PUM2: variants seen among roughly 807,000 people sequenced by gnomAD.
The protein encoded by PUM2 is pumilio RNA binding family member 2.
PUM2 carries 57 observed loss-of-function variants against 124.5 expected under a neutral mutation model. That is an observed-to-expected ratio of 0.46 (90% CI 0.37 to 0.57). The LOEUF (loss-of-function observed/expected upper bound fraction) is 0.57. PUM2 is among the 20% of genes least tolerant of loss of function. The pLI is 0.00. For synonymous variants in PUM2, 460 were observed against 446.1 expected (o/e 1.03, Z -0.39); for missense variants, 1,065 against 1,290.6 (o/e 0.83, Z 2.68).
intron 1 of PUM2, among the ~76,000 whole-genome samples, chr2:20,335,544 C>G (rs1207241837): frequency 1.3e-5 from 2 of 152,132 alleles, no homozygotes; most frequent in Non-Finnish European, 2.9e-5. Context: ...CAGTGACGAA[C>G]AAGTCACTTA....
intron 2 of PUM2, among the ~76,000 whole-genome samples, chr2:20,320,542 T>A (rs1215454171): frequency 6.6e-6 from 1 of 151,940 alleles, no homozygotes; most frequent in Non-Finnish European, 1.5e-5. Context: ...ATGTTTTAAT[T>A]AAAAAATGTT....
chr2:20,351,383 C>T (rs1332516024), upstream of PUM2, among the ~76,000 whole-genome samples: 1 of 152,194 alleles, frequency 6.6e-6, no homozygotes, highest in Non-Finnish European at 1.5e-5. Flanking sequence ...AAGATTGTAC[C>T]CTGCGAGAGG....
chr2:20,267,797 A>C (rs1358899896), intron 13 of PUM2, among the ~76,000 whole-genome samples: 1 of 152,212 alleles, frequency 6.6e-6, no homozygotes, highest in African/African-American at 2.4e-5. Flanking sequence ...ATCTCATACG[A>C]CAGTGTGCCA....
intron 8 of PUM2, among the ~76,000 whole-genome samples, chr2:20,295,959 C>T (rs1305383678): frequency 6.6e-6 from 1 of 152,186 alleles, no homozygotes; most frequent in Non-Finnish European, 1.5e-5. Flanking sequence ...TGCTTATACA[C>T]AAACTAAATG....
At chr2:20,258,913 C>A (rs374471989) in intron 15 of PUM2, among the ~76,000 whole-genome samples, 1 of 151,062 alleles carries the variant, frequency 6.6e-6, no homozygotes, top group East Asian at 1.9e-4. Context: ...ATGATCCACC[C>A]GCCTCGGCCT....
rs1663070834 is a variant in PUM2, at chr2:20,250,576, T to G, written c.*1009A>C. 6.6e-6 allele frequency: 1 copy of G among 152,178 alleles called. No homozygotes were observed. The highest frequency in any genetic ancestry group is 1.5e-5 in the Non-Finnish European group (1 of 68,008). 9.4% of individuals were successfully genotyped at this position (152,178 alleles called of 1,614,324 possible). On this transcript the variant is annotated 3_prime_UTR_variant, in exon 21 of 21. Transcript: ENST00000361078. ...TCTATTACTACACACACAATGCATA[T>G]ATTTATAGAAAGCAAAAAGAGCTAT...
intron 1 of PUM2, among the ~76,000 whole-genome samples, chr2:20,336,748 C>CTGTGTGTGTGTGTGTG (rs70939037): frequency 4.1e-5 from 4 of 97,498 alleles, no homozygotes; most frequent in African/African-American, 1.3e-4. Flanking sequence ...CCAGGCTGAT[C>CTGTGTGTGTGTGTGTG]TGTGTGTGTG....
intron 1 of PUM2, among the ~76,000 whole-genome samples, chr2:20,333,669 T>G (rs776005708): frequency 8.5e-5 from 13 of 152,064 alleles, no homozygotes; most frequent in Non-Finnish European, 1.9e-4. Context: ...TCTCAGCACT[T>G]TGGGAGGCCA....
At chr2:20,294,960 T>C (rs1675166691) in intron 8 of PUM2, among the ~76,000 whole-genome samples, 2 of 152,192 alleles carry the variant, frequency 1.3e-5, no homozygotes. Flanking sequence ...CTGGGGAACA[T>C]TCTGGTACCA....
At chr2:20,351,734 T>C (rs1373368818), upstream of PUM2, among the ~76,000 whole-genome samples, 1 of 152,248 alleles carries the variant, frequency 6.6e-6, no homozygotes, top group Non-Finnish European at 1.5e-5. Flanking sequence ...GCACAGCTCC[T>C]GGCTCTCCTG....
intron 4 of PUM2, among the ~76,000 whole-genome samples, chr2:20,311,876 G>A (rs965145689): frequency 6.6e-6 from 1 of 152,042 alleles, no homozygotes; most frequent in Non-Finnish European, 1.5e-5. Context: ...TAACTATAGC[G>A]GTGCTGGAAA....
At chr2:20,305,627 T>C (rs1353532492) in intron 7 of PUM2, among the ~76,000 whole-genome samples, 1 of 151,486 alleles carries the variant, frequency 6.6e-6, no homozygotes, top group Non-Finnish European at 1.5e-5. Flanking sequence ...ATTGAAAGAG[T>C]ATGTTAAAAG....
intron 13 of PUM2, among the ~76,000 whole-genome samples, chr2:20,277,437 G>A (rs1428615606): frequency 1.3e-5 from 2 of 152,086 alleles, no homozygotes; most frequent in Non-Finnish European, 2.9e-5. Context: ...TTAATTGGCT[G>A]TATATGTTCA....
In PUM2 at chr2:20,251,396, A is replaced by T; in HGVS notation, c.*189T>A. On this transcript the variant is annotated 3_prime_UTR_variant, in exon 21 of 21. Transcript: ENST00000361078. Reference sequence around the variant, plus strand: ...CCACTCAGGGCTGAATATAATTTATAATTCATCCCCCACCCCCCAAATATA... The same window carrying T: ...CCACTCAGGGCTGAATATAATTTATTATTCATCCCCCACCCCCCAAATATA... 1 of 620,142 alleles carries T rather than the reference A, an allele frequency of 1.6e-6. No individual in the cohort carries two copies. The highest frequency in any genetic ancestry group is 2.6e-6 in the Non-Finnish European group (1 of 386,260). 38.4% of individuals were successfully genotyped at this position (620,142 alleles called of 1,614,324 possible).
At chr2:20,306,700 C>T (rs1274089852) in intron 7 of PUM2, among the ~76,000 whole-genome samples, 1 of 151,062 alleles carries the variant, frequency 6.6e-6, no homozygotes, top group Non-Finnish European at 1.5e-5. Context: ...CCTCCGTCTC[C>T]CAGGTTCAAG....
intron 2 of PUM2, among the ~76,000 whole-genome samples, chr2:20,320,579 A>T (rs551264926): frequency 8.1e-5 from 12 of 148,090 alleles, no homozygotes; most frequent in Admixed American, 4.0e-4. Context: ...TGTTTTAATT[A>T]AAAAAAAAAC....
rs1666694722 is a variant in PUM2 at position 20,263,126 on chromosome 2, A to T, written c.2225+67T>A. The stretch of plus-strand genomic sequence containing the variant: ...TTAATGCAGACTAAAGTCCAGAAAA[A>T]TTTAAGCTTTTATAAGGCAGCAATT... On this transcript the variant is annotated intron_variant, in intron 14 of 20. Coordinates refer to ENST00000361078, the MANE Select transcript of PUM2 (RefSeq NM_015317.5). The T allele has an allele frequency of 5.5e-6, 8 of 1,455,490 alleles. No individual in the cohort carries two copies. The South Asian group carries it at 1.0e-4, about 19-fold the overall frequency. 90.2% of individuals were successfully genotyped at this position (1,455,490 alleles called of 1,614,324 possible). A position where few individuals can be genotyped will look rare whatever the true frequency, so the allele number is the denominator to read the frequency against.
intron 5 of PUM2, among the ~76,000 whole-genome samples, chr2:20,310,380 A>G (rs1679340388): frequency 6.6e-6 from 1 of 152,070 alleles, no homozygotes; most frequent in Non-Finnish European, 1.5e-5. Context: ...TAGGAAAAAA[A>G]GTAATGCTAT....
chr2:20,271,281 A>G (rs1035005762), intron 13 of PUM2, among the ~76,000 whole-genome samples: 2 of 152,182 alleles, frequency 1.3e-5, no homozygotes, highest in Admixed American at 1.3e-4. Context: ...TTTATATACT[A>G]TTTACAGTAT....
Sources: gnomAD v4.1 joint callset for allele counts (sites outside exome capture counted in the v4.1 genomes callset) on GRCh38, gnomAD v4.1.1 for gene constraint, MANE v1.5 for transcripts, NCBI Gene and HGNC (gene_info 2026-07-23, HGNC 2026-07-21) for gene names.